Variants in VPS13A observed in about 807,000 individuals in gnomAD.
VPS13A encodes the protein intermembrane lipid transfer protein VPS13A.
VPS13A carries 264 observed loss-of-function variants against 390.9 expected under a neutral mutation model. The ratio of observed to expected loss-of-function variants is 0.68; its 90% CI spans 0.61 to 0.75. The LOEUF (loss-of-function observed/expected upper bound fraction) is 0.75, where lower values mean the gene tolerates loss of function less well. Ranked by LOEUF, VPS13A falls within the 30% of genes least tolerant of loss-of-function variation. VPS13A has a pLI of 0.00. For synonymous variants in VPS13A, 1,231 were observed against 1,227.1 expected, an observed-to-expected ratio of 1.00 and a Z score of -0.07; for missense variants, 3,409 against 3,733.9, an observed-to-expected ratio of 0.91 and a Z score of 2.27.
At chr9:77,289,024 A>G (rs1374512364) in intron 31 of VPS13A, among the ~76,000 whole-genome samples, 1 of 152,218 alleles carries the variant, frequency 6.6e-6, no homozygotes, top group East Asian at 1.9e-4. Flanking sequence ...TAGCCATTCC[A>G]GGTTTCTTCG....
At position 77,273,290 on chromosome 9, in the gene VPS13A, C is replaced by G; in HGVS notation, c.2438C>G (p.Ser813Cys). ...APVKSFQIQTSTSLGTSQISQ... is the reference protein window; with the variant it reads ...APVKSFQIQTCTSLGTSQISQ... ...TTACTTTTCTTTCAGATTCAAACATCTACTTCTTTGGGAACATCACAGATT... is the reference window on the plus strand; with the variant it reads ...TTACTTTTCTTTCAGATTCAAACATGTACTTCTTTGGGAACATCACAGATT... Residue 813 changes from serine (S) to cysteine (C), a missense_variant, in exon 24 of 72, where the codon TCT (serine) becomes TGT (cysteine). Physicochemically the swap from Ser to Cys is moderately radical, Grantham distance 112 (BLOSUM62 -1). This residue lies in a region of VPS13A where 2,717 missense variants were observed against 2,917.4 expected (regional missense o/e 0.93). Coordinates refer to ENST00000360280, the MANE Select transcript of VPS13A (RefSeq NM_033305.3). 2 of 1,610,994 alleles carry G rather than the reference C, an allele frequency of 1.2e-6. No individual in the cohort carries two copies. Among genetic ancestry groups the G allele is most frequent in the Non-Finnish European group, 8.5e-7 (1 of 1,178,098 alleles).
chr9:77,203,181 G>A (rs906066132), intron 3 of VPS13A, among the ~76,000 whole-genome samples: 7 of 152,146 alleles, frequency 4.6e-5, no homozygotes, highest in African/African-American at 1.7e-4. Flanking sequence ...TATAAAAGAG[G>A]TTGTCTTCTG....
At chr9:77,229,618 A>C (rs1823710300) in intron 17 of VPS13A, among the ~76,000 whole-genome samples, 1 of 152,070 alleles carries the variant, frequency 6.6e-6, no homozygotes, top group Admixed American at 6.6e-5. Flanking sequence ...ATTCCTTTTT[A>C]TTGCCTAGTA....
chr9:77,272,038 T>G (rs2131322204), intron 23 of VPS13A, among the ~76,000 whole-genome samples: 1 of 145,636 alleles, frequency 6.9e-6, no homozygotes, highest in South Asian at 2.2e-4. Flanking sequence ...TGTAGTAGAT[T>G]ATAATGTGCT....
Position 77,405,861 on chromosome 9 carries a change from CA to C in VPS13A, c.9276-2del. ...AATTCTTTTTTTGTTTTTCTTTTTG[CA>C]GTGGTGTATTGTTTGTAACAAAGGG... On this transcript the variant is annotated splice_acceptor_variant, in intron 69 of 71. Coordinates refer to ENST00000360280, the MANE Select transcript of VPS13A (RefSeq NM_033305.3). LOFTEE classifies it high-confidence loss of function. 6.2e-7 allele frequency: 1 copy of C among 1,612,864 alleles called. No individual in the cohort carries two copies. The highest frequency in any genetic ancestry group is 8.5e-7 in the Non-Finnish European group (1 of 1,179,774).
chr9:77,305,842 G>A (rs1169707234), intron 34 of VPS13A, among the ~76,000 whole-genome samples: 2 of 152,174 alleles, frequency 1.3e-5, no homozygotes, highest in African/African-American at 4.8e-5. Flanking sequence ...CAGATTTTCA[G>A]TGGTTGCATA....
chr9:77,257,766 AAAAT>A (rs1825530722), intron 22 of VPS13A, among the ~76,000 whole-genome samples: 1 of 152,120 alleles, frequency 6.6e-6, no homozygotes, highest in Non-Finnish European at 1.5e-5. Flanking sequence ...TAAAAAGTGA[AAAAT>A]AAAACTGATA....
At chr9:77,240,912 T>G (rs912121808) in intron 19 of VPS13A, among the ~76,000 whole-genome samples, 1 of 151,312 alleles carries the variant, frequency 6.6e-6, no homozygotes, top group Non-Finnish European at 1.5e-5. Context: ...GTGTCTGCTG[T>G]TTTTTTTTGT....
chr9:77,305,614 G>A, intron 34 of VPS13A: 1 of 198,820 alleles, frequency 5.0e-6, no homozygotes, highest in Non-Finnish European at 1.0e-5. Flanking sequence ...GTGCCCAGCT[G>A]CCTTTTGAGG....
chr9:77,331,519 G>A (rs1219001114), intron 45 of VPS13A, among the ~76,000 whole-genome samples: 1 of 151,804 alleles, frequency 6.6e-6, no homozygotes, highest in Non-Finnish European at 1.5e-5. Flanking sequence ...TGTGAATCAT[G>A]TTTACATTCT....
chr9:77,339,762 G>T lies in VPS13A; in HGVS notation c.6625G>T (p.Val2209Leu), dbSNP rs1365964722. The T allele has an allele frequency of 6.2e-7, 1 of 1,614,078 alleles. No individual in the cohort carries two copies. Among genetic ancestry groups the T allele is most frequent in the Admixed American group, 1.7e-5 (1 of 60,010 alleles). Residue 2209 changes from valine (V) to leucine (L), a missense_variant, in exon 48 of 72, where the codon GTG becomes TTG. Physicochemically the swap from Val to Leu is conservative, Grantham distance 32 (BLOSUM62 1). This residue lies in a region of VPS13A where 2,717 missense variants were observed against 2,917.4 expected (regional missense o/e 0.93). Coordinates refer to ENST00000360280, the MANE Select transcript of VPS13A (RefSeq NM_033305.3). ...GACTTACAATACTGGTCAGACAGTTGTGGCATTTCATAGTCCTTATTGGAT... is the reference window on the plus strand; with the variant it reads ...GACTTACAATACTGGTCAGACAGTTTTGGCATTTCATAGTCCTTATTGGAT... ...HMTYNTGQTV[V>L]AFHSPYWMVN...
At chr9:77,377,495 G>C (rs1461993816) in intron 67 of VPS13A, among the ~76,000 whole-genome samples, 1 of 152,110 alleles carries the variant, frequency 6.6e-6, no homozygotes, top group Admixed American at 6.5e-5. Context: ...CTGGTATGCT[G>C]TTTTAAATGG....
chr9:77,227,576 G>A (rs981430738), intron 16 of VPS13A, 91 bp downstream of exon 16: 2 of 995,872 alleles, frequency 2.0e-6, no homozygotes, highest in African/African-American at 1.6e-5. Context: ...AGGCTGGACT[G>A]CAGTGGTGTG....
At chr9:77,331,218 A>T (rs1419917073) in intron 45 of VPS13A, among the ~76,000 whole-genome samples, 1 of 152,092 alleles carries the variant, frequency 6.6e-6, no homozygotes, top group African/African-American at 2.4e-5. Flanking sequence ...ATGTGTAAAC[A>T]TTTCTCTAGG....
chr9:77,180,390 A>G (rs1339142815), intron 1 of VPS13A, among the ~76,000 whole-genome samples: 1 of 152,222 alleles, frequency 6.6e-6, no homozygotes, highest in Non-Finnish European at 1.5e-5. Context: ...ATTTGAAAAT[A>G]CTTTCTCAGT....
chr9:77,259,359 A>G (rs952059805), intron 22 of VPS13A, among the ~76,000 whole-genome samples: 1 of 152,218 alleles, frequency 6.6e-6, no homozygotes, highest in Non-Finnish European at 1.5e-5. Flanking sequence ...TTAAACTACT[A>G]CTACGCTTGT....
chr9:77,387,293 G>T (rs974782113), intron 68 of VPS13A, among the ~76,000 whole-genome samples: 2 of 152,246 alleles, frequency 1.3e-5, no homozygotes, highest in African/African-American at 4.8e-5. Context: ...TTTATCAATG[G>T]TTCTATAATT....
chr9:77,190,822 T>C (rs1824634849), intron 1 of VPS13A, among the ~76,000 whole-genome samples: 1 of 152,218 alleles, frequency 6.6e-6, no homozygotes, highest in Non-Finnish European at 1.5e-5. Context: ...TTTCCAGGAA[T>C]TCATCCATTT....
In VPS13A at chr9:77,281,884, C is replaced by T. The variant is rs373768055; in HGVS notation, c.2922C>T (p.Pro974=). The T allele has an allele frequency of 2.1e-4, 329 of 1,603,596 alleles. 2 individuals are homozygous for T. The East Asian group carries it at 4.6e-3, about 23-fold the overall frequency. ...LEYVKAEKNV[P]DLKSTYNNVL... ...TTGGATAGGCTGAAAAGAATGTACC[C>T]GACTTGAAAAGTACCTATAACAATG... Residue 974 remains proline, a synonymous_variant, in exon 28 of 72, where the codon CCC becomes CCT. Coordinates refer to ENST00000360280, the MANE Select transcript of VPS13A (RefSeq NM_033305.3).
Sources: allele counts gnomAD v4.1 joint callset (sites outside exome capture counted in the v4.1 genomes callset), GRCh38; gene constraint gnomAD v4.1.1; regional missense constraint gnomAD v4.1.1; transcripts MANE v1.5; gene names NCBI Gene and HGNC (gene_info 2026-07-23, HGNC 2026-07-21).